Variants in LHX8 observed in about 807,000 individuals in gnomAD.
LHX8 encodes the protein LIM/homeobox protein Lhx8.
Under a neutral mutation model 40.3 loss-of-function variants are expected in LHX8, and 12 were observed. The observed-to-expected ratio is 0.30, with a 90% CI of 0.19 to 0.48. The LOEUF is 0.48. Ranked by LOEUF, LHX8 falls within the 20% of genes least tolerant of loss-of-function variation. LHX8 has a pLI of 0.99. For synonymous variants in LHX8, 179 were observed against 162.0 expected (o/e 1.10, Z -0.80); for missense variants, 344 against 433.7 (o/e 0.79, Z 1.84).
chr1:75,193,365 T>C, the LHX8 span, among the ~76,000 whole-genome samples: 3 of 152,202 alleles, frequency 2.0e-5, no homozygotes, highest in African/African-American at 7.2e-5. Context: ...ACCTTGCTTC[T>C]TACATCTTAA....
chr1:75,168,067 C>T, the LHX8 span, among the ~76,000 whole-genome samples: 2 of 152,280 alleles, frequency 1.3e-5, no homozygotes, highest in African/African-American at 4.8e-5. Flanking sequence ...TTATTTCTCT[C>T]GAATGGCTCC....
At chr1:75,194,403 G>A in the LHX8 span, among the ~76,000 whole-genome samples, 1 of 152,166 alleles carries the variant, frequency 6.6e-6, no homozygotes, top group Admixed American at 6.5e-5. Flanking sequence ...GGAGCCATGA[G>A]CCTTGTCTGC....
At chr1:75,187,878 G>A in the LHX8 span, among the ~76,000 whole-genome samples, 2 of 152,120 alleles carry the variant, frequency 1.3e-5, no homozygotes, top group East Asian at 1.9e-4. Flanking sequence ...ATTCACCCAG[G>A]TCAAGGAAAC....
At chr1:75,197,382 AT>A in the LHX8 span, among the ~76,000 whole-genome samples, 1 of 152,154 alleles carries the variant, frequency 6.6e-6, no homozygotes, top group Non-Finnish European at 1.5e-5. Context: ...AGTTCCAAAA[AT>A]CTCTACTTTG....
At chr1:75,172,156 T>G in the LHX8 span, among the ~76,000 whole-genome samples, 1 of 152,192 alleles carries the variant, frequency 6.6e-6, no homozygotes. Flanking sequence ...TCAAATGGCA[T>G]TTTACAGCCT....
At chr1:75,146,623 G>C (rs1251125323) in intron 6 of LHX8, among the ~76,000 whole-genome samples, 1 of 152,148 alleles carries the variant, frequency 6.6e-6, no homozygotes, top group Non-Finnish European at 1.5e-5. Flanking sequence ...GAAGAACTTG[G>C]AAAAGGAGTG....
chr1:75,162,389 T>A (rs181621977), downstream of LHX8, among the ~76,000 whole-genome samples: 1 of 152,284 alleles, frequency 6.6e-6, no homozygotes, highest in African/African-American at 2.4e-5. Context: ...GAGGTCAGCT[T>A]TACCTTTACC....
chr1:75,146,962 A>G (rs1376394623), intron 6 of LHX8, among the ~76,000 whole-genome samples: 1 of 152,092 alleles, frequency 6.6e-6, no homozygotes, highest in Non-Finnish European at 1.5e-5. Flanking sequence ...TCTGTTCAAC[A>G]TTTTTCTATT....
the LHX8 span, among the ~76,000 whole-genome samples, chr1:75,173,146 CAA>C: frequency 6.6e-6 from 1 of 152,014 alleles, no homozygotes; most frequent in Non-Finnish European, 1.5e-5. Flanking sequence ...GAAAAAGAAA[CAA>C]GAGAATATTA....
At chr1:75,145,738 A>C (rs1357080206) in intron 6 of LHX8, among the ~76,000 whole-genome samples, 3 of 152,254 alleles carry the variant, frequency 2.0e-5, no homozygotes, top group Admixed American at 6.5e-5. Context: ...ACTCCAATTA[A>C]TAGCAGCAGC....
the LHX8 span, among the ~76,000 whole-genome samples, chr1:75,176,192 T>A: frequency 6.6e-6 from 1 of 152,180 alleles, no homozygotes; most frequent in Non-Finnish European, 1.5e-5. Context: ...TACCCAGTAA[T>A]GGGATGGCTG....
chr1:75,151,127 T>C (rs1021747723), intron 7 of LHX8, among the ~76,000 whole-genome samples: 9 of 152,206 alleles, frequency 5.9e-5, no homozygotes, highest in African/African-American at 2.2e-4. Context: ...GGTTGATACA[T>C]GGGTACTTAT....
chr1:75,186,038 A>G, the LHX8 span, among the ~76,000 whole-genome samples: 1 of 152,212 alleles, frequency 6.6e-6, no homozygotes, highest in Non-Finnish European at 1.5e-5. Flanking sequence ...GCTCAAAGAA[A>G]TCAGAGATGA....
chr1:75,147,877 C>T (rs1438843653), intron 6 of LHX8, among the ~76,000 whole-genome samples: 1 of 152,186 alleles, frequency 6.6e-6, no homozygotes, highest in African/African-American at 2.4e-5. Context: ...TAGTCATTGG[C>T]ATGTCGGCAT....
chr1:75,136,840 G>GGGTGGGGGTGGGGGGGT, intron 2 of LHX8, 151 bp downstream of exon 2: 1 of 448,664 alleles, frequency 2.2e-6, no homozygotes, highest in Non-Finnish European at 4.2e-6. Context: ...GGTGGGGTGG[G>GGGTGGGGGTGGGGGGGT]AAGCTTAGCT....
In LHX8 at chr1:75,157,019, T is replaced by C; in HGVS notation, c.907T>C (p.Ser303Pro). 1 of 1,614,190 alleles carries C rather than the reference T, an allele frequency of 6.2e-7. No individual in the cohort carries two copies. Residue 303 changes from serine to proline, a missense_variant, in exon 8 of 9, where the codon TCT (serine) becomes CCT (proline). Ser to Pro is a moderately conservative substitution (Grantham distance 74). Coordinates refer to ENST00000356261, the MANE Select transcript of LHX8 (RefSeq NM_001256114.2). ...SPPMLEEMAY[S>P]AYVPQDGTML... is the part of the protein sequence containing the mutation. Reference sequence around the variant, plus strand: ...ACCCATGTTAGAAGAAATGGCTTATTCTGCCTACGTGCCCCAAGATGGAAC... The same window carrying C: ...ACCCATGTTAGAAGAAATGGCTTATCCTGCCTACGTGCCCCAAGATGGAAC...
In LHX8 at chr1:75,155,457, A is replaced by G. The variant is rs565163926; in HGVS notation, c.781-1436A>G. 2.6e-5 allele frequency among the ~76,000 whole-genome samples: 4 copies of G among 152,110 alleles called. No homozygotes were observed. The South Asian group carries it at 8.3e-4, about 32-fold the overall frequency. ...CACTGTTTTAGCCAGGATGGTCTCG[A>G]TCTCCTGACCTTGTGATTCGCCCGC... On this transcript the variant is annotated intron_variant, in intron 7 of 8. Coordinates refer to ENST00000356261, the MANE Select transcript of LHX8 (RefSeq NM_001256114.2).
intron 1 of LHX8, 83 bp from the exon 2 acceptor site, chr1:75,136,520 T>G (rs953055479): frequency 1.9e-6 from 2 of 1,059,464 alleles, no homozygotes; most frequent in Non-Finnish European, 2.8e-6. Flanking sequence ...ATTAGCTCGC[T>G]CCCCGCGCCG....
At chr1:75,180,347 C>A in the LHX8 span, among the ~76,000 whole-genome samples, 2 of 152,316 alleles carry the variant, frequency 1.3e-5, no homozygotes, top group South Asian at 2.1e-4. Flanking sequence ...TAGGTTTGTT[C>A]TTTTCACATA....
Sources: gnomAD v4.1 joint callset for allele counts (sites outside exome capture counted in the v4.1 genomes callset) on GRCh38, gnomAD v4.1.1 for gene constraint, MANE v1.5 for transcripts, NCBI Gene and HGNC (gene_info 2026-07-23, HGNC 2026-07-21) for gene names.